Variants in SDCCAG8 observed in about 807,000 individuals in gnomAD.
SDCCAG8 encodes the protein SHH signaling and ciliogenesis regulator SDCCAG8.
SDCCAG8 carries 74 observed loss-of-function variants against 101.8 expected under a neutral mutation model. The ratio of observed to expected loss-of-function variants is 0.73; its 90% CI spans 0.60 to 0.88. The LOEUF (loss-of-function observed/expected upper bound fraction) is 0.88, where lower values mean the gene tolerates loss of function less well. Among genes scored for constraint, SDCCAG8 ranks in the 40% least tolerant of loss-of-function variants. SDCCAG8 has a pLI of 0.00. For synonymous variants in SDCCAG8, 281 were observed against 292.9 expected (o/e 0.96, Z 0.41); for missense variants, 787 against 822.6 (o/e 0.96, Z 0.53).
chr1:243,437,722 T>C (rs373021190), intron 16 of SDCCAG8, among the ~76,000 whole-genome samples: 1,683 of 152,146 alleles, frequency 0.011, 35 homozygotes, highest in African/African-American at 0.039. Flanking sequence ...GTATTTTTAG[T>C]AGAGACGGGG....
chr1:243,274,433 A>AT, intron 3 of SDCCAG8, 110 bp from the exon 4 acceptor site: 1 of 666,082 alleles, frequency 1.5e-6, no homozygotes, highest in South Asian at 1.7e-5. Flanking sequence ...TCAGTGCAAA[A>AT]TTGAGTATGG....
chr1:243,271,292 A>G (rs902598240), intron 3 of SDCCAG8, among the ~76,000 whole-genome samples: 2 of 150,734 alleles, frequency 1.3e-5, no homozygotes, highest in African/African-American at 2.4e-5. Flanking sequence ...GAGCAAGGGA[A>G]TAGTTTGGAG....
chr1:243,436,198 G>T (rs555809704), intron 16 of SDCCAG8, among the ~76,000 whole-genome samples: 2 of 149,784 alleles, frequency 1.3e-5, no homozygotes, highest in East Asian at 3.9e-4. Context: ...CAGTGGCAAG[G>T]TTTTTTGTGA....
chr1:243,296,596 G>A (rs2070924639), intron 6 of SDCCAG8, among the ~76,000 whole-genome samples: 1 of 141,544 alleles, frequency 7.1e-6, no homozygotes, highest in African/African-American at 2.7e-5. Context: ...AGGCGGGAGT[G>A]CTGTGGCGCG....
In SDCCAG8 at chr1:243,344,212, C is replaced by T. The variant is rs769649518; in HGVS notation, c.1357-3C>T. The stretch of plus-strand genomic sequence containing the variant: ...AATCATCCAGTTTTTTACAATCTAA[C>T]AGGTGTGTGGAGAAATGCGCTATCA... On this transcript the variant is annotated splice_region_variant and splice_polypyrimidine_tract_variant and intron_variant, in intron 11 of 17. Transcript: ENST00000366541. 3.7e-6 allele frequency: 6 copies of T among 1,611,110 alleles called. No individual in the cohort carries two copies. Among genetic ancestry groups the T allele is most frequent in the South Asian group, 2.2e-5 (2 of 91,034 alleles).
intron 13 of SDCCAG8, among the ~76,000 whole-genome samples, chr1:243,397,375 A>T (rs2079089424): frequency 6.6e-6 from 1 of 152,200 alleles, no homozygotes; most frequent in Non-Finnish European, 1.5e-5. Flanking sequence ...TAAGTTTCTA[A>T]GCTTTTTTAA....
intron 16 of SDCCAG8, among the ~76,000 whole-genome samples, chr1:243,437,528 A>G (rs2148077003): frequency 6.8e-6 from 1 of 147,464 alleles, no homozygotes; most frequent in Admixed American, 6.7e-5. Flanking sequence ...ACATGGAGGA[A>G]TTCTTTTTTT....
intron 13 of SDCCAG8, among the ~76,000 whole-genome samples, chr1:243,414,891 A>G (rs531384537): frequency 6.6e-6 from 1 of 152,002 alleles, no homozygotes; most frequent in African/African-American, 2.4e-5. Flanking sequence ...GTACATGCAC[A>G]CACACACTGT....
intron 16 of SDCCAG8, among the ~76,000 whole-genome samples, chr1:243,477,033 C>CACAGAGAGAG (rs942231630): frequency 5.3e-5 from 8 of 150,320 alleles, no homozygotes; most frequent in African/African-American, 2.0e-4. Context: ...CACACACACA[C>CACAGAGAGAG]AGAGAGAAAG....
chr1:243,446,627 C>G (rs1232386606), intron 16 of SDCCAG8, among the ~76,000 whole-genome samples: 3 of 152,138 alleles, frequency 2.0e-5, no homozygotes, highest in African/African-American at 2.4e-5. Flanking sequence ...TATCTGTTTC[C>G]TTTCTGCTTT....
At chr1:243,386,659 A>G (rs2078312952) in intron 13 of SDCCAG8, among the ~76,000 whole-genome samples, 2 of 152,134 alleles carry the variant, frequency 1.3e-5, no homozygotes, top group South Asian at 4.1e-4. Context: ...AGGCTGAGGC[A>G]GGAGAATCTC....
intron 8 of SDCCAG8, among the ~76,000 whole-genome samples, chr1:243,308,457 A>G (rs569783319): frequency 6.6e-6 from 1 of 152,348 alleles, no homozygotes; most frequent in South Asian, 2.1e-4. Context: ...ATTGAACTAG[A>G]CAGTTCTTTA....
At chr1:243,298,048 C>CTT (rs34885610) in intron 6 of SDCCAG8, among the ~76,000 whole-genome samples, 6 of 137,836 alleles carry the variant, frequency 4.4e-5, no homozygotes, top group Admixed American at 7.3e-5. Context: ...TATAGTTTCA[C>CTT]TTTTTTTTTT....
chr1:243,404,603 T>C (rs964473338), intron 13 of SDCCAG8, among the ~76,000 whole-genome samples: 6 of 152,198 alleles, frequency 3.9e-5, no homozygotes, highest in Non-Finnish European at 2.9e-5. Context: ...CGTCAGTTTT[T>C]TTCTTCTGTA....
chr1:243,454,429 G>A (rs949025351), intron 16 of SDCCAG8, among the ~76,000 whole-genome samples: 9 of 152,008 alleles, frequency 5.9e-5, no homozygotes, highest in African/African-American at 2.2e-4. Flanking sequence ...CTCACGTTTG[G>A]TTATCTTGGA....
At chr1:243,358,929 G>A (rs1360578009) in intron 12 of SDCCAG8, among the ~76,000 whole-genome samples, 3 of 152,228 alleles carry the variant, frequency 2.0e-5, no homozygotes, top group Non-Finnish European at 4.4e-5. Flanking sequence ...GAGACAGAAA[G>A]ATTAGTGATT....
At chr1:243,306,709 C>T (rs1185068435) in intron 7 of SDCCAG8, among the ~76,000 whole-genome samples, 1 of 152,140 alleles carries the variant, frequency 6.6e-6, no homozygotes, top group Non-Finnish European at 1.5e-5. Context: ...ACATTCCCTA[C>T]ATGATATTGA....
At position 243,474,815 on chromosome 1, in the gene SDCCAG8, C is replaced by A. The variant is rs1662070821; in HGVS notation, c.1986-14199C>A. ...AGGGAGGAGGCTCGTCCTGAACGTG[C>A]ACAGCCGCTCCTAACTCCGTCAACG... On this transcript the variant is annotated intron_variant, in intron 16 of 17. Transcript: ENST00000366541. This position sits in a 1 kb window ranked among gnomAD's most constrained non-coding sequence, Gnocchi z 4.7. Among the ~76,000 whole-genome samples, 1 of 152,372 alleles carries A rather than the reference C, an allele frequency of 6.6e-6. No individual in the cohort carries two copies. The highest frequency in any genetic ancestry group is 2.1e-4 in the South Asian group (1 of 4,832).
chr1:243,293,180 T>C lies in SDCCAG8; in HGVS notation c.636T>C (p.Asp212=). 1.2e-6 allele frequency: 2 copies of C among 1,614,160 alleles called. No individual in the cohort carries two copies. Among genetic ancestry groups the C allele is most frequent in the Non-Finnish European group, 1.7e-6 (2 of 1,179,994 alleles). ...GACCATTTTCCCATGACAATGCAGATTTTGGCAAAGCTGCATCTGCTGGTG... is the reference window on the plus strand; with the variant it reads ...GACCATTTTCCCATGACAATGCAGACTTTGGCAAAGCTGCATCTGCTGGTG... ...SKRPFSHDNA[D]FGKAASAGEQ... The change falls in exon 6 of 18, where the codon GAT becomes GAC. Residue 212 remains aspartate (D), a synonymous_variant. Coordinates refer to ENST00000366541, the MANE Select transcript of SDCCAG8 (RefSeq NM_006642.5).
Sources: gnomAD v4.1 joint callset for allele counts (sites outside exome capture counted in the v4.1 genomes callset) on GRCh38, gnomAD v4.1.1 for gene constraint, Gnocchi (gnomAD v3.1) non-coding constraint, MANE v1.5 for transcripts, NCBI Gene and HGNC (gene_info 2026-07-23, HGNC 2026-07-21) for gene names.